The following MAMLD1 variants were observed in gnomAD, a reference collection of about 807,000 sequenced individuals.
MAMLD1 encodes the protein mastermind-like domain-containing protein 1.
MAMLD1 carries 14 observed loss-of-function variants against 45.0 expected under a neutral mutation model. That is an observed-to-expected ratio of 0.31 (90% CI 0.21 to 0.49). The LOEUF (loss-of-function observed/expected upper bound fraction) is 0.49, where lower values mean the gene tolerates loss of function less well. MAMLD1 is among the 20% of genes least tolerant of loss of function. MAMLD1 has a pLI of 0.99. For missense variants in MAMLD1, 543 were observed against 603.6 expected (o/e 0.90, Z 1.05); for synonymous variants, 254 against 247.8 (o/e 1.02, Z -0.24).
intron 1 of MAMLD1, among the ~76,000 whole-genome samples, chrX:150,438,649 T>C (rs782011399): frequency 8.9e-6 from 1 of 112,303 alleles, no homozygotes; most frequent in South Asian, 3.7e-4. Flanking sequence ...GTTAGCTTAA[T>C]GTTTTCAAGG....
In MAMLD1 at chrX:150,503,342, C is replaced by A; in HGVS notation, c.2109C>A (p.Pro703=). The change falls in exon 6 of 8, where the codon CCC becomes CCA. Residue 703 remains proline (P), a synonymous_variant. Coordinates refer to ENST00000370401, the MANE Select transcript of MAMLD1 (RefSeq NM_005491.5). ...CCCAGGTCAGCCTCGGGCGACAGCC[C>A]CCGTCCTGCCAGGCCCTGGGGAGTG... is the stretch of plus-strand genomic sequence containing the variant. ...RHPQVSLGRQ[P]PSCQALGSES... 8.3e-7 allele frequency: 1 copy of A among 1,212,069 alleles called. No individual in the cohort carries two copies. The highest frequency in any genetic ancestry group is 1.1e-6 in the Non-Finnish European group (1 of 895,305).
chrX:150,486,177 C>G (rs2036979471), intron 5 of MAMLD1, among the ~76,000 whole-genome samples: 1 of 112,082 alleles, frequency 8.9e-6, no homozygotes, highest in African/African-American at 3.2e-5. Context: ...GTCTACTCTG[C>G]CTTCAGTGGC....
At chrX:150,407,579 A>G (rs1398209801) in intron 1 of MAMLD1, among the ~76,000 whole-genome samples, 2 of 111,366 alleles carry the variant, frequency 1.8e-5, no homozygotes, top group African/African-American at 6.5e-5. Context: ...TTTTTTCCTG[A>G]TTCCTCAGCT....
intron 5 of MAMLD1, among the ~76,000 whole-genome samples, chrX:150,483,022 T>G (rs1188474201): frequency 8.9e-6 from 1 of 112,256 alleles, no homozygotes; most frequent in Non-Finnish European, 1.9e-5. Flanking sequence ...ATGCTGCTAG[T>G]GACTCGCCAT....
intron 2 of MAMLD1, among the ~76,000 whole-genome samples, chrX:150,456,014 T>C (rs2035853230): frequency 9.0e-6 from 1 of 111,202 alleles, no homozygotes; most frequent in African/African-American, 3.3e-5. Flanking sequence ...ATGTATGGTT[T>C]GGAAAACCGT....
intron 1 of MAMLD1, among the ~76,000 whole-genome samples, chrX:150,428,864 G>A (rs1780395547): frequency 8.9e-6 from 1 of 111,867 alleles, no homozygotes; most frequent in African/African-American, 3.3e-5. Flanking sequence ...TTGAGCCTTT[G>A]TGTAGGAAGT....
At chrX:150,367,613 G>A (rs1473358658) in intron 1 of MAMLD1, among the ~76,000 whole-genome samples, 2 of 111,665 alleles carry the variant, frequency 1.8e-5, no homozygotes, top group African/African-American at 6.5e-5. Context: ...CAACGTGCAG[G>A]TTTGTTACAT....
At chrX:150,430,788 T>C (rs1557404023) in intron 1 of MAMLD1, among the ~76,000 whole-genome samples, 3 of 112,172 alleles carry the variant, frequency 2.7e-5, no homozygotes, top group Non-Finnish European at 5.6e-5. Flanking sequence ...CGTGAGTCTA[T>C]TTCTAGGTTC....
chrX:150,457,238 A>G (rs1398232856), intron 2 of MAMLD1, among the ~76,000 whole-genome samples: 1 of 112,464 alleles, frequency 8.9e-6, no homozygotes, highest in Non-Finnish European at 1.9e-5. Flanking sequence ...AGGGCATGGT[A>G]CAGTGTGGTG....
chrX:150,411,063 G>A (rs1162632309), intron 1 of MAMLD1, among the ~76,000 whole-genome samples: 13 of 111,496 alleles, frequency 1.2e-4, no homozygotes, highest in African/African-American at 4.2e-4. Flanking sequence ...TTCCACTGTG[G>A]CCCAGGGAAG....
intron 1 of MAMLD1, among the ~76,000 whole-genome samples, chrX:150,423,348 C>CTGTGTGTGTGTGTGTGTG (rs1246327427): frequency 4.1e-3 from 32 of 7,845 alleles, no homozygotes; most frequent in African/African-American, 4.6e-3. Context: ...ACATTATACT[C>CTGTGTGTGTGTGTGTGTG]TGTGTGTGTG....
At chrX:150,432,921 T>C (rs1288049935) in intron 1 of MAMLD1, among the ~76,000 whole-genome samples, 2 of 111,760 alleles carry the variant, frequency 1.8e-5, no homozygotes, top group African/African-American at 6.5e-5. Context: ...TCCATATGAA[T>C]TTTATTTTTT....
chrX:150,375,051 G>C (rs1162947981), intron 1 of MAMLD1, among the ~76,000 whole-genome samples: 2 of 110,464 alleles, frequency 1.8e-5, no homozygotes, highest in Non-Finnish European at 3.8e-5. Context: ...GTCTGCTTAG[G>C]AGGGAAGAGG....
chrX:150,511,891 CA>C, intron 7 of MAMLD1, 112 bp from the exon 8 acceptor site: 1 of 647,606 alleles, frequency 1.5e-6, no homozygotes, highest in Non-Finnish European at 2.1e-6. Context: ...AGTAGAGAGC[CA>C]AGGGCGGGAG....
chrX:150,443,590 A>G (rs782005129), intron 1 of MAMLD1, among the ~76,000 whole-genome samples: 234 of 71,865 alleles, frequency 3.3e-3, no homozygotes, highest in African/African-American at 0.013. Flanking sequence ...AACAGTCCCC[A>G]GAGTGTGATG....
Position 150,385,277 on chromosome X carries a change from T to TACACACACACAC in MAMLD1, c.-64+21773_-64+21784dup, listed in dbSNP as rs3066918. 9.1e-3 allele frequency among the ~76,000 whole-genome samples: 851 copies of TACACACACACAC among 94,029 alleles called. 8 individuals are homozygous for TACACACACACAC. The highest frequency in any genetic ancestry group is 0.011 in the Non-Finnish European group (532 of 46,736). 81.7% of individuals were successfully genotyped at this position (94,029 alleles called of 115,157 possible). ...TTTCTTCTTTATGCCTGAACAATAC[T>TACACACACACAC]ACACACACACACACACACACACACA... On this transcript the variant is annotated intron_variant, in intron 1 of 7. Transcript: ENST00000370401.
chrX:150,501,124 C>G (rs2037540514), intron 5 of MAMLD1, among the ~76,000 whole-genome samples: 1 of 111,817 alleles, frequency 8.9e-6, no homozygotes. Flanking sequence ...GATGGGGGGT[C>G]CTGTTTCTTG....
chrX:150,508,804 G>A (rs1219371464), intron 6 of MAMLD1, among the ~76,000 whole-genome samples: 2 of 112,364 alleles, frequency 1.8e-5, no homozygotes, highest in Admixed American at 1.9e-4. Context: ...AAGTGGACTT[G>A]GAGCTTGTGC....
In MAMLD1 at chrX:150,473,811, T is replaced by C. The variant is rs1557406716; in HGVS notation, c.2040+9T>C. ...TGTCACCGTCTAACATTGTGAGCCT[T>C]TCTGTTTTGTTTTGTCTTCAATTGG... On this transcript the variant is annotated intron_variant, in intron 5 of 7. Coordinates refer to ENST00000370401, the MANE Select transcript of MAMLD1 (RefSeq NM_005491.5). The C allele has an allele frequency of 8.3e-7, 1 of 1,207,958 alleles. No homozygotes were observed. The highest frequency in any genetic ancestry group is 1.1e-6 in the Non-Finnish European group (1 of 893,240).
Sources: gnomAD v4.1 joint callset for allele counts (sites outside exome capture counted in the v4.1 genomes callset) on GRCh38, gnomAD v4.1.1 for gene constraint, MANE v1.5 for transcripts, NCBI Gene and HGNC (gene_info 2026-07-23, HGNC 2026-07-21) for gene names.